Variants in KCNK15 observed in about 807,000 individuals in gnomAD.
KCNK15 encodes potassium channel subfamily K member 15.
A neutral mutation model predicts 8.5 loss-of-function variants in KCNK15; 9 were observed. That is an observed-to-expected ratio of 1.06 (90% CI 0.64 to 1.85). The LOEUF is 1.85. Among genes scored for constraint, KCNK15 ranks in the 40% most tolerant of loss-of-function variants. The pLI, the probability that KCNK15 is intolerant of heterozygous loss-of-function variation, is 0.00. For missense variants in KCNK15, 467 were observed against 476.8 expected (o/e 0.98, Z 0.19); for synonymous variants, 224 against 232.7 (o/e 0.96, Z 0.34).
chr20:44,745,990 A>T lies in KCNK15; in HGVS notation c.80A>T (p.Asp27Val). The change falls in exon 1 of 2, where the codon GAC (aspartate) becomes GTC (valine). Residue 27 changes from aspartate (D) to valine (V), a missense_variant. Physicochemically the swap from Asp to Val is radical, Grantham distance 152. Around this residue, in one of 2 missense-constraint regions of KCNK15, gnomAD observed 455 missense variants for 441.2 expected, o/e 1.03. Coordinates refer to ENST00000372861, the MANE Select transcript of KCNK15 (RefSeq NM_022358.4). Reference sequence around the variant, plus strand: ...CTGCTGGTGGGCGCTGCTGTCTTCGACGCGCTCGAGTCCGAGGCGGAAAGC... The same window carrying T: ...CTGCTGGTGGGCGCTGCTGTCTTCGTCGCGCTCGAGTCCGAGGCGGAAAGC... ...CYLLVGAAVF[D>V]ALESEAESGR... 1 of 1,520,954 alleles carries T rather than the reference A, an allele frequency of 6.6e-7. No individual in the cohort carries two copies. Among genetic ancestry groups the T allele is most frequent in the Non-Finnish European group, 8.8e-7 (1 of 1,134,908 alleles). 94.2% of individuals were successfully genotyped at this position (1,520,954 alleles called of 1,614,324 possible). A position where few individuals can be genotyped will look rare whatever the true frequency, so the allele number is the denominator to read the frequency against.
intron 1 of KCNK15, among the ~76,000 whole-genome samples, 180 bp downstream of exon 1, chr20:44,746,373 C>T (rs2066008131): frequency 6.6e-6 from 1 of 152,208 alleles, no homozygotes; most frequent in South Asian, 2.1e-4. Context: ...CTTTGCCCCC[C>T]TCTGCTGAAT....
At chr20:44,748,710 T>C (rs2066017067) in intron 1 of KCNK15, among the ~76,000 whole-genome samples, 1 of 152,244 alleles carries the variant, frequency 6.6e-6, no homozygotes, top group Admixed American at 6.5e-5. Flanking sequence ...TTTATGTCAG[T>C]CTCTAAAGAG....
chr20:44,749,351 G>A (rs976850323), intron 1 of KCNK15, among the ~76,000 whole-genome samples: 3 of 152,142 alleles, frequency 2.0e-5, no homozygotes, highest in Non-Finnish European at 2.9e-5. Context: ...AGATTGCCCA[G>A]TCGTGTTTAG....
At chr20:44,749,542 T>G (rs2066020242) in intron 1 of KCNK15, among the ~76,000 whole-genome samples, 1 of 151,752 alleles carries the variant, frequency 6.6e-6, no homozygotes, top group South Asian at 2.1e-4. Context: ...TGGGGAAAGT[T>G]TTGCTTTTTT....
At chr20:44,748,756 GA>G (rs763770569) in intron 1 of KCNK15, among the ~76,000 whole-genome samples, 1 of 152,104 alleles carries the variant, frequency 6.6e-6, no homozygotes, top group Non-Finnish European at 1.5e-5. Flanking sequence ...CTCAGCATTG[GA>G]ACTACTGACA....
rs1421076837 is a variant in KCNK15 at position 44,750,679 on chromosome 20, C to T, written c.834C>T (p.Arg278=). 1.4e-6 allele frequency: 2 copies of T among 1,480,670 alleles called. No individual in the cohort carries two copies. The highest frequency in any genetic ancestry group is 1.8e-6 in the Non-Finnish European group (2 of 1,122,912). The allele number at this position is 1,480,670 out of a possible 1,614,324, so 91.7% of individuals were successfully genotyped here. ...APESRGLWLP[R]RPARSVGSAS... ...AGAGCCGTGGCCTCTGGCTGCCCCG[C>T]CGCCCGGCCCGCTCCGTGGGCTCCG... Residue 278 remains arginine, a synonymous_variant, in exon 2 of 2, where the codon CGC becomes CGT. Coordinates refer to ENST00000372861, the MANE Select transcript of KCNK15 (RefSeq NM_022358.4).
intron 1 of KCNK15, among the ~76,000 whole-genome samples, chr20:44,748,482 G>C (rs1225908266): frequency 6.6e-6 from 1 of 152,104 alleles, no homozygotes; most frequent in Non-Finnish European, 1.5e-5. Context: ...ACTTCACAGG[G>C]CACAAAAGGG....
Position 44,750,911 on chromosome 20 carries a change from G to A in KCNK15, c.*73G>A. 1 of 1,095,020 alleles carries A rather than the reference G, an allele frequency of 9.1e-7. No homozygotes were observed. The highest frequency in any genetic ancestry group is 2.3e-5 in the South Asian group (1 of 43,178). The allele number at this position is 1,095,020 out of a possible 1,614,324, so 67.8% of individuals were successfully genotyped here. On this transcript the variant is annotated 3_prime_UTR_variant, in exon 2 of 2. Coordinates refer to ENST00000372861, the MANE Select transcript of KCNK15 (RefSeq NM_022358.4). ...TCAGCTATCAGGGCACCCTCCCCAG[G>A]GATTGGAAACGGATGACGGGCCTCT...
Position 44,750,154 on chromosome 20 carries a change from G to A in KCNK15, c.309G>A (p.Thr103=), listed in dbSNP as rs776412652. The change falls in exon 2 of 2, where the codon ACG becomes ACA. Residue 103 remains threonine, a synonymous_variant. Transcript: ENST00000372861. ...TIEYGHAAPG[T]DSGKVFCMFY... ...AGTACGGCCACGCCGCGCCGGGTAC[G>A]GACTCCGGCAAGGTCTTCTGCATGT... 2.2e-5 allele frequency: 35 copies of A among 1,611,134 alleles called. No individual in the cohort carries two copies. The highest frequency in any genetic ancestry group is 8.9e-5 in the East Asian group (4 of 44,862).
At position 44,750,607 on chromosome 20, in the gene KCNK15, C is replaced by G. The variant is rs773734384; in HGVS notation, c.762C>G (p.Pro254=). ...LRFLVASADW[P]ERAARTPSPR... ...TCCTCGTTGCCAGCGCCGACTGGCC[C>G]GAGCGCGCTGCCCGCACCCCCAGCC... The change falls in exon 2 of 2, where the codon CCC becomes CCG. Residue 254 remains proline, a synonymous_variant. Transcript: ENST00000372861. The G allele has an allele frequency of 1.9e-6, 3 of 1,602,966 alleles. No homozygotes were observed. Among genetic ancestry groups the G allele is most frequent in the East Asian group, 2.2e-5 (1 of 44,792 alleles).
intron 1 of KCNK15, among the ~76,000 whole-genome samples, chr20:44,748,922 A>G (rs958155527): frequency 1.3e-5 from 2 of 152,164 alleles, no homozygotes; most frequent in Non-Finnish European, 2.9e-5. Flanking sequence ...TGTCCCCTCA[A>G]AGGCAAAACC....
chr20:44,746,113 A>G lies in KCNK15; in HGVS notation c.203A>G (p.Gln68Arg). 1 of 1,475,406 alleles carries G rather than the reference A, an allele frequency of 6.8e-7. No homozygotes were observed. The highest frequency in any genetic ancestry group is 9.0e-7 in the Non-Finnish European group (1 of 1,109,194). 91.4% of individuals were successfully genotyped at this position (1,475,406 alleles called of 1,614,324 possible). A position where few individuals can be genotyped will look rare whatever the true frequency, so the allele number is the denominator to read the frequency against. Residue 68 changes from glutamine (Q) to arginine (R), a missense_variant, in exon 1 of 2, where the codon CAG becomes CGG. Physicochemically the swap from Gln to Arg is conservative, Grantham distance 43. Transcript: ENST00000372861. The part of the protein sequence containing the change: ...DYRELERLAL[Q>R]AEPHRAGRQW... ...CGCGAGCTGGAGCGCCTGGCGCTCC[A>G]GGCTGAGCCCCACCGCGCCGGCCGC... is the stretch of plus-strand genomic sequence containing the variant.
At chr20:44,749,639 G>C (rs371523015) in intron 1 of KCNK15, among the ~76,000 whole-genome samples, 114 of 152,226 alleles carry the variant, frequency 7.5e-4, no homozygotes, top group Admixed American at 2.0e-3. Flanking sequence ...CGTAACTGCA[G>C]CCACGGTCAA....
In KCNK15 at chr20:44,750,208, G is replaced by A. The variant is rs140766751; in HGVS notation, c.363G>A (p.Thr121=). 6.1e-5 allele frequency: 98 copies of A among 1,612,646 alleles called. No homozygotes were observed. The African/African-American group carries it at 1.1e-3, about 17-fold the overall frequency. ...MFYALLGIPL[T]LVTFQSLGER... is the part of the protein sequence containing the mutation. ...ACGCGCTCCTGGGCATCCCGCTGAC[G>A]CTGGTCACTTTCCAGAGCCTGGGCG... The change falls in exon 2 of 2, where the codon ACG becomes ACA. Residue 121 remains threonine, a synonymous_variant. Coordinates refer to ENST00000372861, the MANE Select transcript of KCNK15 (RefSeq NM_022358.4).
At chr20:44,748,023 T>A (rs77286398) in intron 1 of KCNK15, among the ~76,000 whole-genome samples, 2,756 of 152,326 alleles carry the variant, frequency 0.018, 83 homozygotes, top group African/African-American at 0.064. Context: ...TAACAACATG[T>A]CATATAGTCA....
In KCNK15 at chr20:44,747,075, C is replaced by T. The variant is rs912993434; in HGVS notation, c.283+882C>T. 5.9e-5 allele frequency: 9 copies of T among 152,366 alleles called. No individual in the cohort carries two copies. In the East Asian group the frequency reaches 9.6e-4, roughly 16 times the overall value. The allele number at this position is 152,366 out of a possible 1,614,324, so 9.4% of individuals were successfully genotyped here. ...TCCAGCTGTGAACGTCCCGGCACCCCCCCTGGGGCTTGGATCACCAGTCCG... is the reference window on the plus strand; with the variant it reads ...TCCAGCTGTGAACGTCCCGGCACCCTCCCTGGGGCTTGGATCACCAGTCCG... On this transcript the variant is annotated intron_variant, in intron 1 of 1. Coordinates refer to ENST00000372861, the MANE Select transcript of KCNK15 (RefSeq NM_022358.4).
intron 1 of KCNK15, 138 bp downstream of exon 1, chr20:44,746,331 A>C (rs922375715): frequency 3.9e-5 from 28 of 713,794 alleles, no homozygotes; most frequent in South Asian, 6.2e-5. Flanking sequence ...AGCCTCCCTC[A>C]TCTCCTTCGC....
rs1568889512 is a variant in KCNK15, at chr20:44,750,354, C to T, written c.509C>T (p.Thr170Ile). ...VVAGLLACAA[T>I]LALGAVAFSH... ...GCCGGGCTGCTGGCGTGTGCCGCCA[C>T]CCTGGCCCTCGGGGCCGTCGCCTTC... The change falls in exon 2 of 2, where the codon ACC (threonine) becomes ATC (isoleucine). Residue 170 changes from threonine to isoleucine, a missense_variant. Thr to Ile is a moderately conservative substitution (Grantham distance 89). Around this residue, in one of 2 missense-constraint regions of KCNK15, gnomAD observed 455 missense variants for 441.2 expected, o/e 1.03. Transcript: ENST00000372861. 18 of 1,612,974 alleles carry T rather than the reference C, an allele frequency of 1.1e-5. No individual in the cohort carries two copies. The highest frequency in any genetic ancestry group is 1.5e-5 in the Non-Finnish European group (18 of 1,179,724).
chr20:44,747,418 C>T (rs1010823518), intron 1 of KCNK15, among the ~76,000 whole-genome samples: 2 of 152,194 alleles, frequency 1.3e-5, no homozygotes, highest in Admixed American at 6.5e-5. Context: ...TATTTGCCAA[C>T]GTGGCTCCAG....
Sources: allele counts gnomAD v4.1 joint callset (sites outside exome capture counted in the v4.1 genomes callset), GRCh38; gene constraint gnomAD v4.1.1; regional missense constraint gnomAD v4.1.1; transcripts MANE v1.5; gene names NCBI Gene and HGNC (gene_info 2026-07-23, HGNC 2026-07-21).